The following DACT2 variants were observed in gnomAD, a reference collection of about 807,000 sequenced individuals.
The protein encoded by DACT2 is dishevelled binding antagonist of beta catenin 2, also known as dapper homolog 2.
Under a neutral mutation model 22.2 loss-of-function variants are expected in DACT2, and 20 were observed. That is an observed-to-expected ratio of 0.90 (90% CI 0.63 to 1.31). The LOEUF is 1.31. Ranked by LOEUF, DACT2 falls within the 50% of genes most tolerant of loss-of-function variation. The pLI is 0.00. For synonymous variants in DACT2, 463 were observed against 479.8 expected, an observed-to-expected ratio of 0.96 and a Z score of 0.46; for missense variants, 1,048 against 1,061.4, an observed-to-expected ratio of 0.99 and a Z score of 0.18.
rs778387834 is a variant in DACT2, at chr6:168,311,551, T to TACACACACACACCCATCCAC, written c.247-268_247-267insGTGGATGGGTGTGTGTGTGT. 4.5e-4 allele frequency among the ~76,000 whole-genome samples: 44 copies of TACACACACACACCCATCCAC among 97,892 alleles called. 1 individual carries two copies. Among genetic ancestry groups the TACACACACACACCCATCCAC allele is most frequent in the African/African-American group, 1.8e-3 (43 of 24,176 alleles). The allele number at this position is 97,892 out of a possible 152,430, so 64.2% of individuals were successfully genotyped here. On this transcript the variant is annotated intron_variant, in intron 1 of 3. Coordinates refer to ENST00000366795, the MANE Select transcript of DACT2 (RefSeq NM_214462.5). ...ACACACACACCCATCCACACACACATACACACACTCACACACAAACACACA... is the reference window on the plus strand; with the variant it reads ...ACACACACACCCATCCACACACACATACACACACACACCCATCCACACACACACTCACACACAAACACACA...
intron 3 of DACT2, 67 bp downstream of exon 3, chr6:168,310,101 T>C: frequency 6.6e-7 from 1 of 1,525,842 alleles, no homozygotes; most frequent in South Asian, 1.2e-5. Flanking sequence ...CCTCAGCAGC[T>C]GGGGACTGCA....
Position 168,294,084 on chromosome 6 carries a change from T to C in DACT2, c.795+49A>G, listed in dbSNP as rs60655402. 2.8e-3 allele frequency: 1,996 copies of C among 702,996 alleles called. 21 individuals are homozygous for C. The African/African-American group carries it at 0.029, about 10-fold the overall frequency. The allele number at this position is 702,996 out of a possible 1,614,324, so 43.5% of individuals were successfully genotyped here. A position where few individuals can be genotyped will look rare whatever the true frequency, so the allele number is the denominator to read the frequency against. ...CATGAGCACAGACCCGCGATGGCAGTTGTGCAGCTAGACCCGAAGCACACA... is the reference window on the plus strand; with the variant it reads ...CATGAGCACAGACCCGCGATGGCAGCTGTGCAGCTAGACCCGAAGCACACA... On this transcript the variant is annotated intron_variant, in intron 5 of 5. Coordinates refer to the DACT2 transcript ENST00000366796.
In DACT2 at chr6:168,308,853, A is replaced by T; in HGVS notation, c.904T>A (p.Ser302Thr). Reference protein sequence around the residue: ...TKETPQRGGPSFPRESPRGPA... With the variant: ...TKETPQRGGPTFPRESPRGPA... ...CCCCTGGGGCTCTCCCTAGGGAACGAGGGGCCACCTCTCTGTGGGGTTTCC... is the reference window on the plus strand; with the variant it reads ...CCCCTGGGGCTCTCCCTAGGGAACGTGGGGCCACCTCTCTGTGGGGTTTCC... Residue 302 changes from serine (S) to threonine (T), a missense_variant, in exon 4 of 4, where the codon TCG (serine) becomes ACG (threonine). Physicochemically the swap from Ser to Thr is moderately conservative, Grantham distance 58. Coordinates refer to ENST00000366795, the MANE Select transcript of DACT2 (RefSeq NM_214462.5). 6.4e-7 allele frequency: 1 copy of T among 1,551,024 alleles called. No homozygotes were observed. Among genetic ancestry groups the T allele is most frequent in the Non-Finnish European group, 8.7e-7 (1 of 1,146,860 alleles).
intron 1 of DACT2, among the ~76,000 whole-genome samples, chr6:168,312,289 C>T (rs1054208374): frequency 9.2e-5 from 14 of 152,122 alleles, no homozygotes; most frequent in Middle Eastern, 3.2e-3. Context: ...TCGACCTCCC[C>T]GGGCTCAGGT....
In DACT2 at chr6:168,307,312, C is replaced by T. The variant is rs528258862; in HGVS notation, c.*120G>A. On this transcript the variant is annotated 3_prime_UTR_variant, in exon 4 of 4. Transcript: ENST00000366795. The surrounding 1 kb of genome is among the most constrained non-coding windows in gnomAD (Gnocchi z 5.3). ...CCCATCTGCGGGGACTCCTGTTAAA[C>T]GGTGGCCTCGGAAGATAAAGCGACT... is the stretch of plus-strand genomic sequence containing the variant. 40 of 1,480,406 alleles carry T rather than the reference C, an allele frequency of 2.7e-5. No individual in the cohort carries two copies. Among genetic ancestry groups the T allele is most frequent in the East Asian group, 1.5e-4 (6 of 40,462 alleles). 91.7% of individuals were successfully genotyped at this position (1,480,406 alleles called of 1,614,324 possible).
chr6:168,311,551 T>TACACACACACCCACAC (rs778387834), intron 1 of DACT2, among the ~76,000 whole-genome samples: 1 of 97,826 alleles, frequency 1.0e-5, no homozygotes. Context: ...CACACACACA[T>TACACACACACCCACAC]ACACACACTC....
chr6:168,304,528 C>A (rs911617100), downstream of DACT2, among the ~76,000 whole-genome samples: 1 of 152,178 alleles, frequency 6.6e-6, no homozygotes, highest in Admixed American at 6.5e-5. Flanking sequence ...TGGGCCTGCA[C>A]GTGGCATCTG....
At chr6:168,294,561 A>ACG (rs1308949054) in intron 4 of DACT2, 1 of 418,558 alleles carries the variant, frequency 2.4e-6, no homozygotes, top group Non-Finnish European at 3.5e-6. Flanking sequence ...GTGTGTGTGT[A>ACG]TGTGTGTGTG....
intron 2 of DACT2, 36 bp downstream of exon 2, chr6:168,311,116 T>G (rs1363106958): frequency 1.3e-6 from 2 of 1,495,984 alleles, no homozygotes; most frequent in Admixed American, 4.1e-5. Flanking sequence ...GCTGCGTGCC[T>G]GCCCCTGTGT....
At position 168,307,594 on chromosome 6, in the gene DACT2, C is replaced by T. The variant is rs141181495; in HGVS notation, c.2163G>A (p.Ala721=). 0.012 allele frequency: 18,218 copies of T among 1,549,478 alleles called. 193 individuals are homozygous for T. Among genetic ancestry groups the T allele is most frequent in the Middle Eastern group, 0.033 (196 of 5,974 alleles). Residue 721 remains alanine (A), a synonymous_variant, in exon 4 of 4, where the codon GCG becomes GCA. Transcript: ENST00000366795. This position sits in a 1 kb window ranked among gnomAD's most constrained non-coding sequence, Gnocchi z 5.3. The part of the protein sequence containing the change: ...RDCDLALGYV[A]AGHAELAWTQ... The stretch of plus-strand genomic sequence containing the variant: ...TCCAGGCCAGCTCCGCATGCCCGGC[C>T]GCCACATAGCCCAGTGCCAGGTCAC...
intron 3 of DACT2, among the ~76,000 whole-genome samples, chr6:168,297,076 AAC>A (rs1278307863): frequency 3.3e-5 from 5 of 152,258 alleles, no homozygotes; most frequent in Non-Finnish European, 5.9e-5. Flanking sequence ...GCACATAATG[AAC>A]CCTAATTAAA....
chr6:168,318,031 C>T (rs1433733181), intron 1 of DACT2, among the ~76,000 whole-genome samples: 1 of 118,968 alleles, frequency 8.4e-6, no homozygotes, highest in Non-Finnish European at 2.0e-5. Flanking sequence ...GCTGAGGTCA[C>T]GCAGAAGCTG....
intron 1 of DACT2, among the ~76,000 whole-genome samples, chr6:168,316,077 C>T (rs1241802208): frequency 6.6e-6 from 1 of 152,242 alleles, no homozygotes; most frequent in African/African-American, 2.4e-5. Context: ...CTGGTCCCCA[C>T]ATTAAAAAAT....
At chr6:168,314,432 C>T (rs1439263841) in intron 1 of DACT2, among the ~76,000 whole-genome samples, 1 of 152,220 alleles carries the variant, frequency 6.6e-6, no homozygotes, top group East Asian at 1.9e-4. Context: ...CCACTCGTTT[C>T]TTGAGACTCT....
At chr6:168,303,657 T>C (rs1171344099), downstream of DACT2, among the ~76,000 whole-genome samples, 2 of 152,258 alleles carry the variant, frequency 1.3e-5, no homozygotes, top group African/African-American at 4.8e-5. Context: ...TACCCAGTTC[T>C]GTTACAGCAA....
chr6:168,304,178 A>G (rs7762976), downstream of DACT2, among the ~76,000 whole-genome samples: 26,375 of 152,042 alleles, frequency 0.17, 3,091 homozygotes, highest in African/African-American at 0.34. Flanking sequence ...ACCCCCTCAA[A>G]TGACAGGCCA....
intron 3 of DACT2, among the ~76,000 whole-genome samples, chr6:168,297,499 C>A (rs1302011168): frequency 2.6e-5 from 4 of 152,176 alleles, no homozygotes; most frequent in African/African-American, 9.7e-5. Context: ...CTTCTAGAAG[C>A]TGCAAAAGGC....
chr6:168,297,226 G>A (rs918081385), intron 3 of DACT2, among the ~76,000 whole-genome samples: 9 of 152,300 alleles, frequency 5.9e-5, no homozygotes, highest in African/African-American at 1.4e-4. Context: ...AGAGATGTCC[G>A]CGTCCTAATC....
At chr6:168,306,169 G>C (rs1779201248), downstream of DACT2, among the ~76,000 whole-genome samples, 1 of 152,150 alleles carries the variant, frequency 6.6e-6, no homozygotes, top group African/African-American at 2.4e-5. Context: ...TTTCTGACTG[G>C]CTTCCTCCCA....
Sources: gnomAD v4.1 joint callset for allele counts (sites outside exome capture counted in the v4.1 genomes callset) on GRCh38, gnomAD v4.1.1 for gene constraint, Gnocchi (gnomAD v3.1) non-coding constraint, MANE v1.5 for transcripts, NCBI Gene and HGNC (gene_info 2026-07-23, HGNC 2026-07-21) for gene names.